FBXO34: variants seen among roughly 807,000 people sequenced by gnomAD.
FBXO34 encodes F-box protein 34.
In FBXO34, 12 loss-of-function variants were observed where a neutral mutation model predicts 24.5. The observed-to-expected ratio is 0.49, with a 90% CI of 0.31 to 0.79. The LOEUF (loss-of-function observed/expected upper bound fraction) is 0.79, where lower values mean the gene tolerates loss of function less well. FBXO34 is among the 30% of genes least tolerant of loss of function. The pLI is 0.04. For missense variants in FBXO34, 823 were observed against 857.7 expected (o/e 0.96, Z 0.51); for synonymous variants, 320 against 311.9 (o/e 1.03, Z -0.27).
the FBXO34 span, among the ~76,000 whole-genome samples, chr14:55,403,710 T>G: frequency 6.6e-6 from 1 of 151,910 alleles, no homozygotes; most frequent in African/African-American, 2.4e-5. Context: ...ACCAGCAAAA[T>G]AGTATGTATT....
At chr14:55,287,514 C>A (rs2139667100) in intron 1 of FBXO34, among the ~76,000 whole-genome samples, 1 of 152,266 alleles carries the variant, frequency 6.6e-6, no homozygotes, top group South Asian at 2.1e-4. Flanking sequence ...TAACTAAGCA[C>A]AATAGCATCA....
the FBXO34 span, among the ~76,000 whole-genome samples, chr14:55,406,288 T>C: frequency 1.3e-5 from 2 of 152,222 alleles, no homozygotes; most frequent in Non-Finnish European, 2.9e-5. Flanking sequence ...TCAAGATCCA[T>C]GCAGGCACAG....
At chr14:55,422,505 T>TA in the FBXO34 span, among the ~76,000 whole-genome samples, 1 of 152,120 alleles carries the variant, frequency 6.6e-6, no homozygotes, top group Non-Finnish European at 1.5e-5. Flanking sequence ...TGCCTCGGCC[T>TA]CCCGAAGTGC....
At chr14:55,363,836 G>A (rs1016612564), downstream of FBXO34, among the ~76,000 whole-genome samples, 4 of 151,484 alleles carry the variant, frequency 2.6e-5, no homozygotes, top group African/African-American at 9.7e-5. Context: ...GCCCACAGAA[G>A]CCAAAAGATT....
intron 1 of FBXO34, among the ~76,000 whole-genome samples, chr14:55,313,093 AC>A (rs1432547210): frequency 6.6e-6 from 1 of 152,164 alleles, no homozygotes; most frequent in African/African-American, 2.4e-5. Flanking sequence ...AATGCTTAGA[AC>A]TGAATGCTTT....
chr14:55,435,979 G>GGA, the FBXO34 span: 1 of 813,276 alleles, frequency 1.2e-6, no homozygotes, highest in South Asian at 2.1e-5. Context: ...GATATAAAGA[G>GGA]TAAAAAAAAA....
At chr14:55,343,689 G>A (rs1884065097) in intron 1 of FBXO34, among the ~76,000 whole-genome samples, 1 of 152,186 alleles carries the variant, frequency 6.6e-6, no homozygotes, top group Non-Finnish European at 1.5e-5. Flanking sequence ...GATAAGCAAG[G>A]CTGAAGACTA....
intron 1 of FBXO34, among the ~76,000 whole-genome samples, chr14:55,295,385 CTATTT>C (rs1882084474): frequency 8.8e-6 from 1 of 114,122 alleles, no homozygotes; most frequent in Non-Finnish European, 1.8e-5. Context: ...ATATTCTTTT[CTATTT>C]TTTTTTTTTT....
the FBXO34 span, chr14:55,413,716 A>T: frequency 3.4e-6 from 1 of 292,772 alleles, no homozygotes; most frequent in Non-Finnish European, 6.8e-6. Flanking sequence ...GTTTCAGGAA[A>T]CTTACTTGGC....
chr14:55,327,908 GTTTTTTTTTTTTTTTTT>G (rs386381425), intron 1 of FBXO34, among the ~76,000 whole-genome samples: 46 of 48,732 alleles, frequency 9.4e-4, no homozygotes, highest in South Asian at 2.0e-3. Flanking sequence ...GTTGTTGTTG[GTTTTTTTTTTTTTTTTT>G]TTTTTTTTTT....
chr14:55,414,479 T>C, the FBXO34 span: 2 of 1,507,358 alleles, frequency 1.3e-6, no homozygotes, highest in South Asian at 2.5e-5. Flanking sequence ...CAGGTTTATA[T>C]AATTTTTAAT....
At chr14:55,274,745 C>T (rs79634820) in intron 1 of FBXO34, among the ~76,000 whole-genome samples, 1,766 of 152,138 alleles carry the variant, frequency 0.012, 10 homozygotes, top group Non-Finnish European at 0.018. Flanking sequence ...CTTAATTTGA[C>T]AGTTTTTATG....
At chr14:55,331,199 G>A (rs935888896) in intron 1 of FBXO34, among the ~76,000 whole-genome samples, 3 of 152,058 alleles carry the variant, frequency 2.0e-5, no homozygotes, top group Non-Finnish European at 4.4e-5. Flanking sequence ...TTCAATTTGA[G>A]CACAATTCCA....
downstream of FBXO34, among the ~76,000 whole-genome samples, chr14:55,358,591 G>C (rs1401157494): frequency 6.6e-6 from 1 of 151,126 alleles, no homozygotes; most frequent in East Asian, 2.0e-4. Flanking sequence ...AAAGATTCTG[G>C]AACAGTGCCT....
In FBXO34 at chr14:55,352,442, C is replaced by T; in HGVS notation, c.2052C>T (p.Asp684=). ...CTGGCTGTAAGCTGGGGCTTCATGA[C>T]AATCACTGGGTTCCTGCCTGCCACA... The part of the protein sequence containing the change: ...GFPGCKLGLH[D]NHWVPACHSF... The change falls in exon 2 of 2, where the codon GAC becomes GAT. Residue 684 remains aspartate, a synonymous_variant. Transcript: ENST00000313833. 1.2e-6 allele frequency: 2 copies of T among 1,614,188 alleles called. No homozygotes were observed. Among genetic ancestry groups the T allele is most frequent in the Non-Finnish European group, 1.7e-6 (2 of 1,180,022 alleles).
chr14:55,412,506 AAG>A, the FBXO34 span, among the ~76,000 whole-genome samples: 2 of 152,228 alleles, frequency 1.3e-5, no homozygotes, highest in Non-Finnish European at 2.9e-5. Context: ...GCCATGCTCT[AAG>A]AGAATTTGAA....
At chr14:55,305,906 T>C (rs1882528338) in intron 1 of FBXO34, among the ~76,000 whole-genome samples, 1 of 152,230 alleles carries the variant, frequency 6.6e-6, no homozygotes, top group African/African-American at 2.4e-5. Context: ...TGGTTTTTCA[T>C]CTCCTTTCTG....
intron 1 of FBXO34, among the ~76,000 whole-genome samples, chr14:55,306,524 CT>C (rs1344645246): frequency 1.3e-5 from 2 of 152,200 alleles, no homozygotes; most frequent in Admixed American, 1.3e-4. Flanking sequence ...AGTACGTGGT[CT>C]TTCAAACTTT....
chr14:55,422,902 A>G, the FBXO34 span, among the ~76,000 whole-genome samples: 1 of 152,152 alleles, frequency 6.6e-6, no homozygotes, highest in Non-Finnish European at 1.5e-5. Flanking sequence ...AACCTTCTGT[A>G]GAATGACATA....
Sources: allele counts gnomAD v4.1 joint callset (sites outside exome capture counted in the v4.1 genomes callset), GRCh38; gene constraint gnomAD v4.1.1; transcripts MANE v1.5; gene names NCBI Gene and HGNC (gene_info 2026-07-23, HGNC 2026-07-21).